The following CRACDL variants were observed in gnomAD, a reference collection of about 807,000 sequenced individuals.
CRACDL encodes CRACD-like protein.
A neutral mutation model predicts 70.6 loss-of-function variants in CRACDL; 26 were observed. The observed-to-expected ratio is 0.37, with a 90% CI of 0.27 to 0.51. The LOEUF is 0.51. Among genes scored for constraint, CRACDL ranks in the 20% least tolerant of loss-of-function variants. The probability of loss-of-function intolerance (pLI) is 0.94; values close to 1 mark genes in which losing one functional copy is unlikely to be tolerated. For synonymous variants in CRACDL, 618 were observed against 615.2 expected, an observed-to-expected ratio of 1.00 and a Z score of -0.07; for missense variants, 1,283 against 1,376.9, an observed-to-expected ratio of 0.93 and a Z score of 1.08.
In CRACDL at chr2:98,903,289, G is replaced by T. The variant is rs558890467; in HGVS notation, c.-11+32649C>A. Among the ~76,000 whole-genome samples, 12 of 152,226 alleles carry T rather than the reference G, an allele frequency of 7.9e-5. No homozygotes were observed. The East Asian group carries it at 2.3e-3, about 29-fold the overall frequency. ...CACTGCTGCATAGACTCACGGCAAG[G>T]CTCACACCGAGTGCGTTCACTGCTC... is the stretch of plus-strand genomic sequence containing the variant. On this transcript the variant is annotated intron_variant, in intron 1 of 9. Transcript: ENST00000397899.
chr2:98,916,042 T>C (rs1341557596), intron 1 of CRACDL, among the ~76,000 whole-genome samples: 1 of 152,128 alleles, frequency 6.6e-6, no homozygotes, highest in Non-Finnish European at 1.5e-5. Flanking sequence ...ATGGCACAGA[T>C]CCAAACTCCC....
intron 1 of CRACDL, among the ~76,000 whole-genome samples, chr2:98,920,190 C>T (rs576488544): frequency 6.6e-6 from 1 of 152,192 alleles, no homozygotes; most frequent in Admixed American, 6.5e-5. Context: ...TGCTGGAACA[C>T]GCTGAACATC....
At chr2:98,821,835 C>T (rs1408363742) in intron 7 of CRACDL, 22 bp downstream of exon 7, 2 of 1,605,578 alleles carry the variant, frequency 1.2e-6, no homozygotes, top group Non-Finnish European at 1.7e-6. Flanking sequence ...CTGCCCTTCC[C>T]GCACCCTCGG....
chr2:98,838,854 T>C (rs1442942575), intron 2 of CRACDL, among the ~76,000 whole-genome samples: 7 of 152,130 alleles, frequency 4.6e-5, no homozygotes, highest in African/African-American at 1.7e-4. Flanking sequence ...GGGAGGGGTG[T>C]GGCCAGGCTG....
Position 98,822,003 on chromosome 2 carries a change from CTGAGCGGCTCGGGGGGCCGGGCCT to C in CRACDL, c.2246_2269del (p.Lys749_Leu756del). On this transcript the variant is annotated inframe_deletion, in exon 7 of 10. Transcript: ENST00000397899. This position sits in a 1 kb window ranked among gnomAD's most constrained non-coding sequence, Gnocchi z 4.9. ...CTTCCGGGGCAGGGGCGGCTTGGAG[CTGAGCGGCTCGGGGGGCCGGGCCT>C]TCCCCTTTCCTTGGTCGCTGGGGGC... 6.5e-7 allele frequency: 1 copy of C among 1,536,776 alleles called. No homozygotes were observed. Among genetic ancestry groups the C allele is most frequent in the Non-Finnish European group, 8.8e-7 (1 of 1,141,442 alleles).
intron 1 of CRACDL, among the ~76,000 whole-genome samples, chr2:98,867,291 C>A (rs867609135): frequency 2.4e-4 from 37 of 152,112 alleles, no homozygotes; most frequent in Admixed American, 8.5e-4. Context: ...TATAAATGGA[C>A]AAATTAACTA....
At chr2:98,893,767 C>T (rs1465648917) in intron 1 of CRACDL, among the ~76,000 whole-genome samples, 1 of 152,240 alleles carries the variant, frequency 6.6e-6, no homozygotes, top group Admixed American at 6.5e-5. Context: ...TCTCCCACGT[C>T]TATTTCTGTC....
chr2:98,813,124 T>C (rs960529386), intron 7 of CRACDL, among the ~76,000 whole-genome samples: 1 of 152,108 alleles, frequency 6.6e-6, no homozygotes, highest in African/African-American at 2.4e-5. Flanking sequence ...AATTTGATAA[T>C]ATTTTGTTAA....
chr2:98,904,733 A>G (rs1455277193), intron 1 of CRACDL, among the ~76,000 whole-genome samples: 1 of 152,178 alleles, frequency 6.6e-6, no homozygotes, highest in Non-Finnish European at 1.5e-5. Context: ...GTTTATGAAG[A>G]ATATTGGTTT....
intron 7 of CRACDL, among the ~76,000 whole-genome samples, chr2:98,818,577 A>C (rs1704889169): frequency 6.6e-6 from 1 of 152,228 alleles, no homozygotes; most frequent in Non-Finnish European, 1.5e-5. Flanking sequence ...CACAACAGCA[A>C]ATATTAGGTC....
intron 1 of CRACDL, among the ~76,000 whole-genome samples, chr2:98,890,524 G>C (rs1450062729): frequency 6.6e-6 from 1 of 152,200 alleles, no homozygotes; most frequent in Admixed American, 6.5e-5. Flanking sequence ...GCAAAGAAAA[G>C]CCAAGGCTCA....
intron 1 of CRACDL, among the ~76,000 whole-genome samples, chr2:98,855,802 TAAAC>T (rs2104559740): frequency 6.6e-6 from 1 of 152,176 alleles, no homozygotes; most frequent in East Asian, 1.9e-4. Flanking sequence ...ACTATAAAAA[TAAAC>T]AAACTGAAAA....
rs559763447 is a variant in CRACDL, at chr2:98,841,355, TA to T, written c.71-3069del. 6.4e-4 allele frequency among the ~76,000 whole-genome samples: 97 copies of T among 152,198 alleles called. No homozygotes were observed. In the South Asian group the frequency reaches 0.019, roughly 29 times the overall value. On this transcript the variant is annotated intron_variant, in intron 2 of 9. Transcript: ENST00000397899. ...TCTTATGTGTTTTTTAATTGATCTTTAAAAAAAATTCCATTTATTCCATTGC... is the reference window on the plus strand; with the variant it reads ...TCTTATGTGTTTTTTAATTGATCTTTAAAAAAATTCCATTTATTCCATTGC...
At chr2:98,887,787 TA>T (rs1211931639) in intron 1 of CRACDL, among the ~76,000 whole-genome samples, 1 of 152,162 alleles carries the variant, frequency 6.6e-6, no homozygotes, top group Non-Finnish European at 1.5e-5. Flanking sequence ...ACATATAAGA[TA>T]AAATTAGTAA....
intron 1 of CRACDL, among the ~76,000 whole-genome samples, chr2:98,933,188 G>A (rs1261509475): frequency 6.6e-6 from 1 of 152,186 alleles, no homozygotes; most frequent in Admixed American, 6.5e-5. Flanking sequence ...GCTGGACAAT[G>A]ATGGAAATGT....
rs767437682 is a variant in CRACDL, at chr2:98,797,525, G to A, written c.2429C>T (p.Pro810Leu). 9.3e-6 allele frequency: 15 copies of A among 1,613,708 alleles called. No individual in the cohort carries two copies. The highest frequency in any genetic ancestry group is 1.2e-5 in the Non-Finnish European group (14 of 1,180,048). The change falls in exon 8 of 10, where the codon CCG (proline) becomes CTG (leucine). Residue 810 changes from proline to leucine, a missense_variant. Physicochemically the swap from Pro to Leu is moderately conservative, Grantham distance 98. Transcript: ENST00000397899. ...AGCTCCAGGCCCTGTTGCTGCAGGC[G>A]GCAGACTCTTTTCTGTTGGGTAAAG... is the stretch of plus-strand genomic sequence containing the variant. ...PLRRGAEKSL[P>L]PAATGPGADG... is the part of the protein sequence containing the mutation.
At chr2:98,875,814 AC>A in intron 1 of CRACDL, among the ~76,000 whole-genome samples, 1 of 152,338 alleles carries the variant, frequency 6.6e-6, no homozygotes, top group South Asian at 2.1e-4. Flanking sequence ...CATGATAGGA[AC>A]CTGTCAGCTA....
intron 1 of CRACDL, among the ~76,000 whole-genome samples, chr2:98,849,827 T>C (rs1221408846): frequency 2.6e-5 from 4 of 151,994 alleles, no homozygotes; most frequent in African/African-American, 9.7e-5. Context: ...TAACATGGGG[T>C]GGAGGAAGGT....
intron 1 of CRACDL, among the ~76,000 whole-genome samples, chr2:98,872,927 C>T (rs574017229): frequency 2.0e-5 from 3 of 152,222 alleles, no homozygotes; most frequent in African/African-American, 4.8e-5. Flanking sequence ...TGCTTTTTCA[C>T]GCTTCCTAAG....
Sources: allele counts gnomAD v4.1 joint callset (sites outside exome capture counted in the v4.1 genomes callset), GRCh38; gene constraint gnomAD v4.1.1; non-coding constraint Gnocchi (gnomAD v3.1); transcripts MANE v1.5; gene names NCBI Gene and HGNC (gene_info 2026-07-23, HGNC 2026-07-21).